KLHL3: variants seen among roughly 807,000 people sequenced by gnomAD.
The protein encoded by KLHL3 is kelch like family member 3.
A neutral mutation model predicts 70.5 loss-of-function variants in KLHL3; 19 were observed. The ratio of observed to expected loss-of-function variants is 0.27; its 90% CI spans 0.19 to 0.40. The LOEUF (loss-of-function observed/expected upper bound fraction) is 0.40, where lower values mean the gene tolerates loss of function less well. Among genes scored for constraint, KLHL3 ranks in the 10% least tolerant of loss-of-function variants. The pLI is 1.00. For synonymous variants in KLHL3, 258 were observed against 290.3 expected (o/e 0.89, Z 1.13); for missense variants, 512 against 771.1 (o/e 0.66, Z 3.98).
intron 1 of KLHL3, among the ~76,000 whole-genome samples, chr5:137,732,740 C>T (rs1470008351): frequency 6.6e-6 from 1 of 152,138 alleles, no homozygotes; most frequent in Non-Finnish European, 1.5e-5. Context: ...ATAGCAACTA[C>T]CATCTACTGA....
intron 3 of KLHL3, among the ~76,000 whole-genome samples, chr5:137,706,959 G>A (rs1752697471): frequency 6.6e-6 from 1 of 152,172 alleles, no homozygotes; most frequent in African/African-American, 2.4e-5. Context: ...GAAGTATAAA[G>A]TACCATGGGA....
chr5:137,662,240 TACACACACACACACACACAC>T (rs138942924), intron 6 of KLHL3, among the ~76,000 whole-genome samples: 2 of 141,768 alleles, frequency 1.4e-5, no homozygotes, highest in Admixed American at 7.1e-5. Context: ...ACACACACTC[TACACACACACACACACACAC>T]ACACACACAC....
At chr5:137,699,169 G>T (rs1752513203) in intron 3 of KLHL3, among the ~76,000 whole-genome samples, 1 of 152,154 alleles carries the variant, frequency 6.6e-6, no homozygotes. Flanking sequence ...CCTATTAAGA[G>T]GTCACATTTG....
At chr5:137,677,693 G>C (rs771938284) in intron 5 of KLHL3, 39 bp from the exon 6 acceptor site, 1 of 1,287,208 alleles carries the variant, frequency 7.8e-7, no homozygotes. Context: ...AGAAAACAAA[G>C]TTGTAACACA....
chr5:137,661,988 G>T lies in KLHL3; in HGVS notation c.680C>A (p.Thr227Asn). 6.2e-7 allele frequency: 1 copy of T among 1,612,912 alleles called. No homozygotes were observed. Among genetic ancestry groups the T allele is most frequent in the Non-Finnish European group, 8.5e-7 (1 of 1,179,412 alleles). ...CAGCTTTGCCATGTGCTCTAAACGG[G>T]TTTCTTTCTCATAATTGATCCATGA... ...VISWINYEKE[T>N]RLEHMAKLME... The change falls in exon 7 of 15, where the codon ACC (threonine) becomes AAC (asparagine). Residue 227 changes from threonine to asparagine, a missense_variant. Physicochemically the swap from Thr to Asn is moderately conservative, Grantham distance 65 (BLOSUM62 0). Transcript: ENST00000309755.
chr5:137,731,219 G>A (rs937292145), intron 1 of KLHL3, among the ~76,000 whole-genome samples: 7 of 152,182 alleles, frequency 4.6e-5, no homozygotes, highest in Non-Finnish European at 7.4e-5. Flanking sequence ...TGTTTTTGCA[G>A]TTGAAAACCT....
intron 1 of KLHL3, among the ~76,000 whole-genome samples, chr5:137,721,964 G>C (rs375433719): frequency 6.6e-5 from 10 of 152,358 alleles, no homozygotes; most frequent in African/African-American, 2.4e-4. Context: ...CCCAGGAGTA[G>C]TGTGAGACCT....
chr5:137,628,120 G>T, intron 13 of KLHL3, 177 bp downstream of exon 13: 1 of 685,170 alleles, frequency 1.5e-6, no homozygotes, highest in Non-Finnish European at 2.4e-6. Flanking sequence ...GCTAGCTTTT[G>T]GGGTCTCAAT....
intron 8 of KLHL3, among the ~76,000 whole-genome samples, chr5:137,652,714 T>C (rs1173210549): frequency 6.6e-6 from 1 of 152,128 alleles, no homozygotes; most frequent in Non-Finnish European, 1.5e-5. Flanking sequence ...TTCAGTGAGA[T>C]GGGAGAAATA....
At chr5:137,712,156 CAAAAAAAAAAAAAA>C (rs201519598) in intron 2 of KLHL3, among the ~76,000 whole-genome samples, 75 of 74,872 alleles carry the variant, frequency 1.0e-3, no homozygotes, top group African/African-American at 3.9e-3. Flanking sequence ...AAGATTCTGT[CAAAAAAAAAAAAAA>C]AAAAAAAAAA....
Position 137,639,260 on chromosome 5 carries a change from A to T in KLHL3, c.1022-110T>A. On this transcript the variant is annotated intron_variant, in intron 9 of 14. Transcript: ENST00000309755. The surrounding 1 kb of genome is among the most constrained non-coding windows in gnomAD (Gnocchi z 5.0). ...GACACAGGAAAAGTCGCCACCGAAGATACTTTAGGTATTTGGCAGTCATTA... is the reference window on the plus strand; with the variant it reads ...GACACAGGAAAAGTCGCCACCGAAGTTACTTTAGGTATTTGGCAGTCATTA... 1 of 980,844 alleles carries T rather than the reference A, an allele frequency of 1.0e-6. No individual in the cohort carries two copies. The highest frequency in any genetic ancestry group is 1.5e-6 in the Non-Finnish European group (1 of 651,034). 60.8% of individuals were successfully genotyped at this position (980,844 alleles called of 1,614,324 possible).
chr5:137,681,818 A>G (rs1752033855), intron 5 of KLHL3, among the ~76,000 whole-genome samples: 1 of 152,212 alleles, frequency 6.6e-6, no homozygotes, highest in Admixed American at 6.5e-5. Context: ...CTAATTAGCC[A>G]GGTTTTACTA....
intron 1 of KLHL3, chr5:137,720,872 G>C: frequency 1.6e-6 from 2 of 1,217,242 alleles, no homozygotes; most frequent in South Asian, 2.1e-5. Context: ...AACTGAAGGG[G>C]ACTAAGCACT....
chr5:137,628,179 G>A lies in KLHL3; in HGVS notation c.1591+118C>T, dbSNP rs1417652421. 3.1e-6 allele frequency: 4 copies of A among 1,304,480 alleles called. No homozygotes were observed. In the African/African-American group the frequency reaches 4.4e-5, roughly 14 times the overall value. The allele number at this position is 1,304,480 out of a possible 1,614,324, so 80.8% of individuals were successfully genotyped here. ...CCCACCTGGCAAATGCACACTCCCT[G>A]TTCAGGATATACGCTCAGCTCCAGA... On this transcript the variant is annotated intron_variant, in intron 13 of 14. Coordinates refer to ENST00000309755, the MANE Select transcript of KLHL3 (RefSeq NM_017415.3).
At chr5:137,634,236 T>C (rs1019312075) in intron 11 of KLHL3, 71 bp from the exon 12 acceptor site, 40 of 1,502,552 alleles carry the variant, frequency 2.7e-5, no homozygotes, top group Non-Finnish European at 4.5e-6. Context: ...GCTGAAACCC[T>C]ATCTGCAACC....
At position 137,730,416 on chromosome 5, in the gene KLHL3, T is replaced by G. The variant is rs533755246; in HGVS notation, c.14+5217A>C. ...CTTCTGATTATGGGAAATTGCAGTG[T>G]GTACTGGAGTCAGTGTTATTAATTG... On this transcript the variant is annotated intron_variant, in intron 1 of 14. Coordinates refer to ENST00000309755, the MANE Select transcript of KLHL3 (RefSeq NM_017415.3). 2.0e-5 allele frequency among the ~76,000 whole-genome samples: 3 copies of G among 152,322 alleles called. No homozygotes were observed. The South Asian group carries it at 6.2e-4, about 32-fold the overall frequency.
intron 3 of KLHL3, chr5:137,707,742 C>T (rs1417629650): frequency 6.5e-6 from 1 of 154,406 alleles, no homozygotes; most frequent in Middle Eastern, 5.2e-4. Context: ...TTGATTCTCC[C>T]GTCCCTTCCA....
chr5:137,718,124 T>C (rs73790041), intron 2 of KLHL3, among the ~76,000 whole-genome samples: 3,357 of 152,296 alleles, frequency 0.022, 113 homozygotes, highest in African/African-American at 0.076. Context: ...TTCAAACTCA[T>C]TGGGGCACAG....
At position 137,675,054 on chromosome 5, in the gene KLHL3, A is replaced by G. The variant is rs548339737; in HGVS notation, c.636+2491T>C. Among the ~76,000 whole-genome samples the G allele has an allele frequency of 3.3e-5, 5 of 152,376 alleles. No homozygotes were observed. In the East Asian group the frequency reaches 7.7e-4, roughly 23 times the overall value. On this transcript the variant is annotated intron_variant, in intron 6 of 14. Coordinates refer to ENST00000309755, the MANE Select transcript of KLHL3 (RefSeq NM_017415.3). Reference sequence around the variant, plus strand: ...TAATAAACCTCAAAATTACACTGCCAACCTTAAAGGTACTAAAGGGATCAA... The same window carrying G: ...TAATAAACCTCAAAATTACACTGCCGACCTTAAAGGTACTAAAGGGATCAA...
Sources: allele counts gnomAD v4.1 joint callset (sites outside exome capture counted in the v4.1 genomes callset), GRCh38; gene constraint gnomAD v4.1.1; non-coding constraint Gnocchi (gnomAD v3.1); transcripts MANE v1.5; gene names NCBI Gene and HGNC (gene_info 2026-07-23, HGNC 2026-07-21).